The following RPRD1A variants were observed in gnomAD, a reference collection of about 807,000 sequenced individuals.
The protein encoded by RPRD1A is regulation of nuclear pre-mRNA domain containing 1A.
A neutral mutation model predicts 37.8 loss-of-function variants in RPRD1A; 9 were observed. That is an observed-to-expected ratio of 0.24 (90% CI 0.14 to 0.42). The LOEUF is 0.42. Ranked by LOEUF, RPRD1A falls within the 10% of genes least tolerant of loss-of-function variation. The pLI is 1.00. For missense variants in RPRD1A, 255 were observed against 371.0 expected, an observed-to-expected ratio of 0.69 and a Z score of 2.57; for synonymous variants, 138 against 139.7, an observed-to-expected ratio of 0.99 and a Z score of 0.08.
chr18:36,036,348 A>G (rs1047796305), intron 1 of RPRD1A, among the ~76,000 whole-genome samples: 1 of 152,190 alleles, frequency 6.6e-6, no homozygotes, highest in Non-Finnish European at 1.5e-5. Context: ...TGCTGGGATT[A>G]CTGGTGTGAG....
chr18:36,064,584 G>A (rs550757692), intron 1 of RPRD1A, among the ~76,000 whole-genome samples: 2 of 152,274 alleles, frequency 1.3e-5, no homozygotes, highest in Admixed American at 6.5e-5. Flanking sequence ...GTTTGTAAAT[G>A]CAACAATCAG....
intron 6 of RPRD1A, among the ~76,000 whole-genome samples, chr18:36,006,786 G>A (rs905969222): frequency 6.6e-6 from 1 of 152,094 alleles, no homozygotes; most frequent in Non-Finnish European, 1.5e-5. Flanking sequence ...AATCTAGCAG[G>A]CTAAGCCCAA....
intron 6 of RPRD1A, among the ~76,000 whole-genome samples, chr18:35,999,765 C>A (rs1909306709): frequency 1.3e-5 from 2 of 152,128 alleles, no homozygotes; most frequent in South Asian, 2.1e-4. Flanking sequence ...CTACCCATTT[C>A]TTGATAAAAA....
intron 6 of RPRD1A, among the ~76,000 whole-genome samples, chr18:36,016,974 G>T (rs185136839): frequency 2.0e-5 from 3 of 151,644 alleles, no homozygotes; most frequent in Admixed American, 2.0e-4. Context: ...CTTATCAATG[G>T]TTTTTCAACT....
At chr18:36,015,309 T>A (rs1259914155) in intron 6 of RPRD1A, among the ~76,000 whole-genome samples, 6 of 150,448 alleles carry the variant, frequency 4.0e-5, no homozygotes, top group Non-Finnish European at 8.9e-5. Context: ...GCCTCCCGGG[T>A]TCAAGTGATT....
chr18:36,020,018 TGA>T (rs1910885519), intron 6 of RPRD1A, among the ~76,000 whole-genome samples: 1 of 151,958 alleles, frequency 6.6e-6, no homozygotes, highest in Non-Finnish European at 1.5e-5. Context: ...CCAGCCTGGG[TGA>T]GAGAGTGAGA....
intron 1 of RPRD1A, among the ~76,000 whole-genome samples, chr18:36,034,792 G>A (rs1912073877): frequency 6.6e-6 from 1 of 152,046 alleles, no homozygotes; most frequent in Admixed American, 6.5e-5. Flanking sequence ...GGCTACATGT[G>A]GTCCTCTAGA....
chr18:36,000,357 C>T (rs1909339913), intron 6 of RPRD1A, among the ~76,000 whole-genome samples: 1 of 152,152 alleles, frequency 6.6e-6, no homozygotes, highest in South Asian at 2.1e-4. Context: ...GAAGTTTTAC[C>T]TTTTGGTGGG....
intron 1 of RPRD1A, among the ~76,000 whole-genome samples, chr18:36,061,719 G>A (rs2088914636): frequency 6.6e-6 from 1 of 152,184 alleles, no homozygotes; most frequent in Non-Finnish European, 1.5e-5. Flanking sequence ...CCCACTGAAT[G>A]GAAGAAAATA....
At chr18:36,039,319 G>A (rs997189777) in intron 1 of RPRD1A, among the ~76,000 whole-genome samples, 3 of 152,198 alleles carry the variant, frequency 2.0e-5, no homozygotes, top group African/African-American at 7.2e-5. Context: ...TTATAGCAAT[G>A]TGAGAGGAGA....
At chr18:36,047,640 G>C (rs1913052296) in intron 1 of RPRD1A, among the ~76,000 whole-genome samples, 1 of 152,068 alleles carries the variant, frequency 6.6e-6, no homozygotes, top group Non-Finnish European at 1.5e-5. Context: ...AATAAAACAG[G>C]ATATCACTAC....
chr18:36,060,571 A>G (rs531445296), intron 1 of RPRD1A, among the ~76,000 whole-genome samples: 2 of 152,370 alleles, frequency 1.3e-5, no homozygotes, highest in South Asian at 4.1e-4. Flanking sequence ...ACGAATGTTA[A>G]TTCAACGAAT....
intron 1 of RPRD1A, among the ~76,000 whole-genome samples, chr18:36,061,666 A>G (rs997286045): frequency 6.6e-6 from 1 of 152,228 alleles, no homozygotes; most frequent in East Asian, 1.9e-4. Context: ...ACAGTTTAAA[A>G]CAGTCACCTT....
At chr18:36,010,072 T>C (rs1910080311) in intron 6 of RPRD1A, among the ~76,000 whole-genome samples, 1 of 151,976 alleles carries the variant, frequency 6.6e-6, no homozygotes, top group Non-Finnish European at 1.5e-5. Context: ...CTATATAATA[T>C]GGTATGATAT....
At chr18:36,015,386 T>C (rs915219854) in intron 6 of RPRD1A, among the ~76,000 whole-genome samples, 1 of 152,074 alleles carries the variant, frequency 6.6e-6, no homozygotes, top group Non-Finnish European at 1.5e-5. Flanking sequence ...CTAATTTTTG[T>C]ATTTTTAGTA....
chr18:36,053,405 A>T (rs1913537824), intron 1 of RPRD1A, among the ~76,000 whole-genome samples: 1 of 152,174 alleles, frequency 6.6e-6, no homozygotes, highest in Non-Finnish European at 1.5e-5. Flanking sequence ...TATATTATGG[A>T]ATTACATGAA....
intron 6 of RPRD1A, among the ~76,000 whole-genome samples, chr18:36,011,096 G>GT (rs895806675): frequency 4.6e-5 from 7 of 152,004 alleles, no homozygotes; most frequent in South Asian, 2.1e-4. Context: ...AAATCTCCAA[G>GT]TTTTTTTTGT....
intron 6 of RPRD1A, among the ~76,000 whole-genome samples, chr18:36,013,526 G>A (rs981356362): frequency 3.3e-5 from 5 of 152,094 alleles, no homozygotes; most frequent in Admixed American, 6.5e-5. Context: ...TCCGAGATAG[G>A]TGCTAGTCAG....
chr18:36,027,363 A>G (rs1332406215), intron 4 of RPRD1A, 53 bp from the exon 5 acceptor site: 1 of 1,588,524 alleles, frequency 6.3e-7, no homozygotes, highest in African/African-American at 1.3e-5. Flanking sequence ...AACAAGTGCA[A>G]AAGACTTTAA....
Sources: gnomAD v4.1 joint callset for allele counts (sites outside exome capture counted in the v4.1 genomes callset) on GRCh38, gnomAD v4.1.1 for gene constraint, MANE v1.5 for transcripts, NCBI Gene and HGNC (gene_info 2026-07-23, HGNC 2026-07-21) for gene names.